PRDM16: variants seen among roughly 807,000 people sequenced by gnomAD.
The protein encoded by PRDM16 is PR/SET domain 16.
Under a neutral mutation model 110.6 loss-of-function variants are expected in PRDM16, and 23 were observed. The observed-to-expected ratio is 0.21, with a 90% CI of 0.15 to 0.29. The LOEUF (loss-of-function observed/expected upper bound fraction) is 0.29, where lower values mean the gene tolerates loss of function less well. Among genes scored for constraint, PRDM16 ranks in the 10% least tolerant of loss-of-function variants. The probability of loss-of-function intolerance (pLI) is 1.00; values close to 1 mark genes in which losing one functional copy is unlikely to be tolerated. For missense variants in PRDM16, 1,615 were observed against 1,794.3 expected (o/e 0.90, Z 1.81); for synonymous variants, 799 against 781.8 (o/e 1.02, Z -0.37).
rs1328798528 is a variant in PRDM16, at chr1:3,433,776, G to A, written c.3796G>A (p.Glu1266Lys). ...GTTGAAGGTCACTGGAGCCACGTCG[G>A]AGTCTGGAGCATTTCACCCCATCAA... is the stretch of plus-strand genomic sequence containing the variant. ...AWLKVTGATSESGAFHPINHL is the reference protein window; with the variant it reads ...AWLKVTGATSKSGAFHPINHL The change falls in exon 17 of 17, where the codon GAG (glutamate) becomes AAG (lysine). Residue 1266 changes from glutamate (E) to lysine (K), a missense_variant. By Grantham distance (56) the Glu-to-Lys change is moderately conservative. Around this residue, in one of 5 missense-constraint regions of PRDM16, gnomAD observed 327 missense variants for 359.3 expected, o/e 0.91. Coordinates refer to ENST00000270722, the MANE Select transcript of PRDM16 (RefSeq NM_022114.4). The A allele has an allele frequency of 6.2e-7, 1 of 1,613,814 alleles. No individual in the cohort carries two copies. Among genetic ancestry groups the A allele is most frequent in the African/African-American group, 1.3e-5 (1 of 75,052 alleles).
chr1:3,185,938 C>T (rs1304542731), intron 1 of PRDM16, among the ~76,000 whole-genome samples, 187 bp from the exon 2 acceptor site: 3 of 152,220 alleles, frequency 2.0e-5, no homozygotes, highest in East Asian at 1.9e-4. Flanking sequence ...CCTCTGACAT[C>T]GAGTGATGGC....
chr1:3,117,038 G>A (rs956103767), intron 1 of PRDM16, among the ~76,000 whole-genome samples: 2 of 152,214 alleles, frequency 1.3e-5, no homozygotes, highest in African/African-American at 4.8e-5. Context: ...TGACAGGTGG[G>A]CACAGCTGCC....
At chr1:3,396,634 C>A in intron 5 of PRDM16, 41 bp downstream of exon 5, 1 of 849,408 alleles carries the variant, frequency 1.2e-6, no homozygotes, top group Non-Finnish European at 1.9e-6. Flanking sequence ...CCCCTGGGAG[C>A]CCCCAGCCAG....
chr1:3,073,942 C>T (rs893963795), intron 1 of PRDM16, among the ~76,000 whole-genome samples: 1 of 152,204 alleles, frequency 6.6e-6, no homozygotes, highest in African/African-American at 2.4e-5. Flanking sequence ...CGCCAGGCCC[C>T]CCGCTTGCCT....
intron 3 of PRDM16, among the ~76,000 whole-genome samples, chr1:3,281,252 C>T (rs1479577616): frequency 1.3e-5 from 2 of 152,236 alleles, no homozygotes; most frequent in Non-Finnish European, 2.9e-5. Context: ...TGGGCACTGT[C>T]GCCCAGGAGG....
chr1:3,316,715 C>CCAGGAAACAGTGACACGGTGTAGG (rs1429944358), intron 3 of PRDM16, among the ~76,000 whole-genome samples: 1 of 142,614 alleles, frequency 7.0e-6, no homozygotes, highest in African/African-American at 2.6e-5. Flanking sequence ...CATAGTGGAG[C>CCAGGAAACAGTGACACGGTGTAGG]CAGGAAACAG....
chr1:3,118,010 G>A (rs143291955), intron 1 of PRDM16, among the ~76,000 whole-genome samples: 532 of 151,360 alleles, frequency 3.5e-3, no homozygotes, highest in African/African-American at 0.012. Context: ...GTGCGTGTGC[G>A]TGTGTGCATG....
rs1434613098 is a variant in PRDM16 at position 3,353,882 on chromosome 1, G to T, written c.439-31270G>T. On this transcript the variant is annotated intron_variant, in intron 3 of 16. Transcript: ENST00000270722. The surrounding 1 kb of genome is among the most constrained non-coding windows in gnomAD (Gnocchi z 5.4). ...GGGAGCAGCTTGGTAGACCTAGGGG[G>T]TCTTTCTAGAAGCCAAGGGGGCCCT... Among the ~76,000 whole-genome samples the T allele has an allele frequency of 6.6e-6, 1 of 152,100 alleles. No individual in the cohort carries two copies. The highest frequency in any genetic ancestry group is 1.5e-5 in the Non-Finnish European group (1 of 67,988).
intron 3 of PRDM16, among the ~76,000 whole-genome samples, chr1:3,375,810 T>C (rs1642981115): frequency 6.6e-6 from 1 of 152,160 alleles, no homozygotes; most frequent in Non-Finnish European, 1.5e-5. Context: ...TTTTCTTCAA[T>C]GTTCATAGAC....
At chr1:3,328,240 T>A (rs1209329384) in intron 3 of PRDM16, among the ~76,000 whole-genome samples, 1 of 152,250 alleles carries the variant, frequency 6.6e-6, no homozygotes, top group African/African-American at 2.4e-5. Flanking sequence ...TGTTCCCTGG[T>A]CAGGTTTCTT....
chr1:3,305,865 C>T lies in PRDM16; in HGVS notation c.438+61728C>T, dbSNP rs996813487. 2.6e-5 allele frequency among the ~76,000 whole-genome samples: 4 copies of T among 152,230 alleles called. 1 individual carries two copies. The highest frequency in any genetic ancestry group is 5.9e-5 in the Non-Finnish European group (4 of 68,046). On this transcript the variant is annotated intron_variant, in intron 3 of 16. Coordinates refer to ENST00000270722, the MANE Select transcript of PRDM16 (RefSeq NM_022114.4). Reference sequence around the variant, plus strand: ...GTGATGCCCGTGCTGCTTTTCTGCCCATTTATTTGCTGATTCACTCATTGA... The same window carrying T: ...GTGATGCCCGTGCTGCTTTTCTGCCTATTTATTTGCTGATTCACTCATTGA...
intron 3 of PRDM16, among the ~76,000 whole-genome samples, chr1:3,363,369 A>C (rs1642750697): frequency 6.6e-6 from 1 of 152,078 alleles, no homozygotes. Flanking sequence ...ATACCCCAGG[A>C]AGGTATTCTT....
intron 1 of PRDM16, among the ~76,000 whole-genome samples, chr1:3,093,524 T>C (rs1642324078): frequency 6.6e-6 from 1 of 152,184 alleles, no homozygotes. Context: ...GGTTGTGTGC[T>C]CTCTGCCTCT....
In PRDM16 at chr1:3,172,461, C is replaced by T. The variant is rs1465292491; in HGVS notation, c.38-13664C>T. Among the ~76,000 whole-genome samples, 6 of 152,282 alleles carry T rather than the reference C, an allele frequency of 3.9e-5. 1 individual carries two copies. In the South Asian group the frequency reaches 6.2e-4, roughly 16 times the overall value. On this transcript the variant is annotated intron_variant, in intron 1 of 16. Transcript: ENST00000270722. ...CTGGGTTTTGTTGATGCTAAGAGCA[C>T]GCCGTAGATTCAGACGGCACACGCA... is the stretch of plus-strand genomic sequence containing the variant.
Position 3,350,559 on chromosome 1 carries a change from G to A in PRDM16, c.439-34593G>A, listed in dbSNP as rs1642461936. Reference sequence around the variant, plus strand: ...CCCAGCAGCCTGCAGGACAAGGGGAGGGGACCAGGGTGGCAGGCAGCTGTG... The same window carrying A: ...CCCAGCAGCCTGCAGGACAAGGGGAAGGGACCAGGGTGGCAGGCAGCTGTG... On this transcript the variant is annotated intron_variant, in intron 3 of 16. Coordinates refer to ENST00000270722, the MANE Select transcript of PRDM16 (RefSeq NM_022114.4). This position sits in a 1 kb window ranked among gnomAD's most constrained non-coding sequence, Gnocchi z 7.1. 5.3e-5 allele frequency among the ~76,000 whole-genome samples: 8 copies of A among 152,258 alleles called. No individual in the cohort carries two copies. In the South Asian group the frequency reaches 1.7e-3, roughly 32 times the overall value.
intron 3 of PRDM16, among the ~76,000 whole-genome samples, chr1:3,254,588 C>A (rs1048377789): frequency 4.6e-5 from 7 of 152,168 alleles, no homozygotes; most frequent in Non-Finnish European, 7.3e-5. Context: ...ACCTAGGAAT[C>A]CAACTTACAA....
intron 1 of PRDM16, among the ~76,000 whole-genome samples, chr1:3,111,211 C>T (rs1642784012): frequency 6.6e-6 from 1 of 152,166 alleles, no homozygotes; most frequent in Admixed American, 6.5e-5. Flanking sequence ...ACGTCACAGC[C>T]TGCCTGTGCC....
Position 3,235,872 on chromosome 1 carries a change from G to C in PRDM16, c.388-8215G>C, listed in dbSNP as rs559122438. On this transcript the variant is annotated intron_variant, in intron 2 of 16. Coordinates refer to ENST00000270722, the MANE Select transcript of PRDM16 (RefSeq NM_022114.4). ...CTGCCTGTGTGGGGCGGAGCTCTGA[G>C]ATCTGGAGCAGCCCATCGAGCATGG... is the stretch of plus-strand genomic sequence containing the variant. Among the ~76,000 whole-genome samples, 36 of 152,348 alleles carry C rather than the reference G, an allele frequency of 2.4e-4. No homozygotes were observed. The South Asian group carries it at 7.5e-3, about 32-fold the overall frequency.
chr1:3,152,365 CATCCATCCATCCATCCATTT>C (rs1440039697), intron 1 of PRDM16, among the ~76,000 whole-genome samples: 1 of 148,954 alleles, frequency 6.7e-6, no homozygotes, highest in Non-Finnish European at 1.5e-5. Context: ...TCCATCCATC[CATCCATCCATCCATCCATTT>C]ATCCATCCAT....
Sources: allele counts gnomAD v4.1 joint callset (sites outside exome capture counted in the v4.1 genomes callset), GRCh38; gene constraint gnomAD v4.1.1; regional missense constraint gnomAD v4.1.1; non-coding constraint Gnocchi (gnomAD v3.1); transcripts MANE v1.5; gene names NCBI Gene and HGNC (gene_info 2026-07-23, HGNC 2026-07-21).